The following ARVCF variants were observed in gnomAD, a reference collection of about 807,000 sequenced individuals.
ARVCF encodes ARVCF delta catenin family member.
Under a neutral mutation model 90.9 loss-of-function variants are expected in ARVCF, and 66 were observed. The ratio of observed to expected loss-of-function variants is 0.73; its 90% CI spans 0.60 to 0.89. The LOEUF is 0.89. Among genes scored for constraint, ARVCF ranks in the 40% least tolerant of loss-of-function variants. ARVCF has a pLI of 0.00. For synonymous variants in ARVCF, 653 were observed against 603.4 expected (o/e 1.08, Z -1.21); for missense variants, 1,469 against 1,382.3 (o/e 1.06, Z -1.00).
chr22:19,992,587 C>G (rs73387750), intron 2 of ARVCF, among the ~76,000 whole-genome samples: 6,060 of 152,278 alleles, frequency 0.04, 410 homozygotes, highest in African/African-American at 0.14. Context: ...CATATCACTC[C>G]AGCCCTCAGC....
intron 2 of ARVCF, among the ~76,000 whole-genome samples, chr22:20,008,537 T>C (rs1441411858): frequency 6.6e-6 from 1 of 152,226 alleles, no homozygotes; most frequent in Admixed American, 6.5e-5. Flanking sequence ...CTGGGCCTGA[T>C]GTGCCTGTGA....
At chr22:19,985,255 C>A (rs763669379) in intron 3 of ARVCF, among the ~76,000 whole-genome samples, 7 of 152,210 alleles carry the variant, frequency 4.6e-5, no homozygotes, top group Non-Finnish European at 1.0e-4. Context: ...CTCTTGCACC[C>A]CGCCCGGCCT....
rs1358552645 is a variant in ARVCF, at chr22:20,001,836, G to A, written c.-19+8619C>T. Among the ~76,000 whole-genome samples, 9 of 152,188 alleles carry A rather than the reference G, an allele frequency of 5.9e-5. No individual in the cohort carries two copies. In the East Asian group the frequency reaches 1.7e-3, roughly 29 times the overall value. On this transcript the variant is annotated intron_variant, in intron 2 of 19. Transcript: ENST00000263207. ...AAGAAAAGGAGCCGCTATAAATAAT[G>A]AGGATCCCATGGAGATTTAAAGGAA...
chr22:19,979,110 G>T, intron 6 of ARVCF, 30 bp from the exon 7 acceptor site: 1 of 1,595,968 alleles, frequency 6.3e-7, no homozygotes, highest in South Asian at 1.1e-5. Flanking sequence ...AATCTGTGCT[G>T]ACCATATGCA....
At chr22:19,985,699 C>T (rs1031532963) in intron 3 of ARVCF, among the ~76,000 whole-genome samples, 16 of 144,374 alleles carry the variant, frequency 1.1e-4, no homozygotes, top group African/African-American at 4.3e-4. Context: ...TCTACCCAAA[C>T]CACCGGACTT....
At chr22:20,004,969 C>T (rs989019152) in intron 2 of ARVCF, among the ~76,000 whole-genome samples, 2 of 152,170 alleles carry the variant, frequency 1.3e-5, no homozygotes, top group African/African-American at 2.4e-5. Flanking sequence ...GTCTTCATGA[C>T]ACTGGATTTG....
chr22:19,974,389 A>T, intron 11 of ARVCF, 150 bp from the exon 12 acceptor site: 1 of 947,426 alleles, frequency 1.1e-6, no homozygotes, highest in Non-Finnish European at 1.5e-6. Context: ...TACTATCAAC[A>T]TATAGTCACC....
chr22:20,003,574 A>G (rs1168271641), intron 2 of ARVCF, among the ~76,000 whole-genome samples: 1 of 152,270 alleles, frequency 6.6e-6, no homozygotes, highest in Admixed American at 6.5e-5. Flanking sequence ...GGTTCCATGT[A>G]CAAAAATCAA....
At position 19,988,494 on chromosome 22, in the gene ARVCF, G is replaced by A. The variant is rs528234881; in HGVS notation, c.210+2091C>T. Among the ~76,000 whole-genome samples the A allele has an allele frequency of 3.9e-5, 6 of 152,374 alleles. No homozygotes were observed. The East Asian group carries it at 1.2e-3, about 29-fold the overall frequency. ...GATGGCACCCCTCCCCACTGGGTGG[G>A]CGTCAGCCCTGTTTCAGCTGGCTGT... On this transcript the variant is annotated intron_variant, in intron 3 of 19. Coordinates refer to ENST00000263207, the MANE Select transcript of ARVCF (RefSeq NM_001670.3).
intron 2 of ARVCF, among the ~76,000 whole-genome samples, chr22:19,991,926 C>T (rs938473323): frequency 1.3e-5 from 2 of 152,236 alleles, no homozygotes; most frequent in African/African-American, 4.8e-5. Context: ...AGGCCAACTC[C>T]GCTGGATCCC....
chr22:19,973,627 T>G lies in ARVCF; in HGVS notation c.2239+16A>C. 1 of 1,597,014 alleles carries G rather than the reference T, an allele frequency of 6.3e-7. No homozygotes were observed. Among genetic ancestry groups the G allele is most frequent in the Non-Finnish European group, 8.5e-7 (1 of 1,170,826 alleles). Reference sequence around the variant, plus strand: ...ACAGTTCGGTGCCCAGGCGTGGGCTTTGCAGGCGTCCTCACCGATGAGGTC... The same window carrying G: ...ACAGTTCGGTGCCCAGGCGTGGGCTGTGCAGGCGTCCTCACCGATGAGGTC... On this transcript the variant is annotated intron_variant, in intron 13 of 19. Transcript: ENST00000263207.
chr22:20,011,275 A>G (rs1310253589), intron 1 of ARVCF, among the ~76,000 whole-genome samples: 1 of 152,036 alleles, frequency 6.6e-6, no homozygotes, highest in African/African-American at 2.4e-5. Flanking sequence ...AGGCCCGGGG[A>G]TATTGCCAGA....
intron 10 of ARVCF, 131 bp from the exon 11 acceptor site, chr22:19,975,888 G>A (rs1569153471): frequency 1.2e-6 from 1 of 865,372 alleles, no homozygotes; most frequent in African/African-American, 1.7e-5. Context: ...GGCACCTGTG[G>A]GAGTGGAGCA....
chr22:20,011,492 T>C (rs1944830238), intron 1 of ARVCF, among the ~76,000 whole-genome samples: 1 of 151,768 alleles, frequency 6.6e-6, no homozygotes, highest in South Asian at 2.1e-4. Flanking sequence ...TGTTTCCCCG[T>C]CTCACGACAG....
At chr22:19,972,056 G>C in intron 17 of ARVCF, 85 bp from the exon 18 acceptor site, 1 of 1,294,052 alleles carries the variant, frequency 7.7e-7, no homozygotes, top group Non-Finnish European at 1.1e-6. Flanking sequence ...CAGACACAGG[G>C]GACTCGTGGG....
In ARVCF at chr22:19,972,675, G is replaced by A. The variant is rs71313932; in HGVS notation, c.2641+62C>T. ...GACTCCTCCTTCACCTTCACCCAAG[G>A]GTCAGGCAACTGGGGCAGCTGGGGT... On this transcript the variant is annotated intron_variant, in intron 16 of 19. Transcript: ENST00000263207. The A allele has an allele frequency of 8.7e-5, 131 of 1,506,234 alleles. 1 individual carries two copies. Among genetic ancestry groups the A allele is most frequent in the Middle Eastern group, 1.8e-4 (1 of 5,620 alleles). 93.3% of individuals were successfully genotyped at this position (1,506,234 alleles called of 1,614,324 possible). A position where few individuals can be genotyped will look rare whatever the true frequency, so the allele number is the denominator to read the frequency against.
chr22:20,001,792 CAAAAA>C (rs1944454784), intron 2 of ARVCF, among the ~76,000 whole-genome samples: 1 of 151,614 alleles, frequency 6.6e-6, no homozygotes, highest in East Asian at 1.9e-4. Flanking sequence ...AACTTCATCT[CAAAAA>C]AAGAAAAGAA....
chr22:20,015,448 G>A (rs112856591), intron 1 of ARVCF, among the ~76,000 whole-genome samples: 5 of 152,296 alleles, frequency 3.3e-5, no homozygotes, highest in African/African-American at 4.8e-5. Flanking sequence ...GCAAGAGAGC[G>A]CTGACTGCCC....
chr22:19,990,944 G>A (rs1394062974), intron 2 of ARVCF, 132 bp from the exon 3 acceptor site: 2 of 876,742 alleles, frequency 2.3e-6, no homozygotes, highest in Admixed American at 2.8e-5. Context: ...CTAGAGGGAA[G>A]CACACTGATT....
Sources: allele counts gnomAD v4.1 joint callset (sites outside exome capture counted in the v4.1 genomes callset), GRCh38; gene constraint gnomAD v4.1.1; transcripts MANE v1.5; gene names NCBI Gene and HGNC (gene_info 2026-07-23, HGNC 2026-07-21).